SUGCT: variants seen among roughly 807,000 people sequenced by gnomAD.
SUGCT encodes succinyl-CoA:glutarate CoA-transferase.
In SUGCT, 41 loss-of-function variants were observed where a neutral mutation model predicts 55.0. That is an observed-to-expected ratio of 0.74 (90% CI 0.58 to 0.97). SUGCT has a LOEUF of 0.97. Among genes scored for constraint, SUGCT ranks in the 50% least tolerant of loss-of-function variants. The pLI, the probability that SUGCT is intolerant of heterozygous loss-of-function variation, is 0.00. For missense variants in SUGCT, 568 were observed against 547.8 expected, an observed-to-expected ratio of 1.04 and a Z score of -0.37; for synonymous variants, 187 against 200.4, an observed-to-expected ratio of 0.93 and a Z score of 0.56.
chr7:40,665,797 A>G (rs1476510360), intron 12 of SUGCT, among the ~76,000 whole-genome samples: 1 of 152,288 alleles, frequency 6.6e-6, no homozygotes, highest in Admixed American at 6.5e-5. Flanking sequence ...GTGGGAGCAC[A>G]GGATGTGACA....
intron 12 of SUGCT, among the ~76,000 whole-genome samples, chr7:40,651,703 C>T (rs1303869339): frequency 1.3e-5 from 2 of 152,142 alleles, no homozygotes; most frequent in African/African-American, 2.4e-5. Context: ...TCTTCAGAAA[C>T]ATCATTCAGC....
intron 12 of SUGCT, among the ~76,000 whole-genome samples, chr7:40,718,844 C>G (rs1379855825): frequency 6.6e-6 from 1 of 152,152 alleles, no homozygotes. Flanking sequence ...TCTTATATAT[C>G]AGATACTATA....
At chr7:41,012,858 G>A in the SUGCT span, among the ~76,000 whole-genome samples, 132 of 152,062 alleles carry the variant, frequency 8.7e-4, 7 homozygotes, top group Middle Eastern at 3.4e-3. Context: ...CAGAATCTAT[G>A]ATGAAAATTC....
chr7:40,532,526 C>CTGTG (rs3048827), intron 12 of SUGCT, among the ~76,000 whole-genome samples: 9,828 of 134,066 alleles, frequency 0.073, 716 homozygotes, highest in African/African-American at 0.2. Context: ...GCAAGTATGT[C>CTGTG]TGTGTGTGTG....
the SUGCT span, among the ~76,000 whole-genome samples, chr7:41,034,447 G>A: frequency 2.8e-4 from 42 of 152,222 alleles, no homozygotes; most frequent in East Asian, 8.2e-3. Context: ...AAGAAAACAA[G>A]GCTGACCATG....
intron 9 of SUGCT, among the ~76,000 whole-genome samples, chr7:40,381,161 A>C (rs1318840456): frequency 2.0e-5 from 3 of 152,232 alleles, no homozygotes; most frequent in African/African-American, 7.2e-5. Flanking sequence ...TTTAAGACTC[A>C]AGTTGATTCT....
At chr7:40,519,360 G>C (rs191027194) in intron 12 of SUGCT, among the ~76,000 whole-genome samples, 1 of 152,024 alleles carries the variant, frequency 6.6e-6, no homozygotes, top group Non-Finnish European at 1.5e-5. Flanking sequence ...GAGTTTCTTA[G>C]TTTTGGCAAT....
At chr7:40,440,968 AAAG>A (rs974908346) in intron 9 of SUGCT, among the ~76,000 whole-genome samples, 5 of 152,082 alleles carry the variant, frequency 3.3e-5, no homozygotes, top group Admixed American at 6.6e-5. Flanking sequence ...TAAAAAAAAA[AAAG>A]ATCTCACTGG....
Position 40,319,354 on chromosome 7 carries a change from G to A in SUGCT, c.816+2499G>A, listed in dbSNP as rs182944309. 1.9e-3 allele frequency among the ~76,000 whole-genome samples: 293 copies of A among 152,212 alleles called. 2 individuals carry two copies. Among genetic ancestry groups the A allele is most frequent in the African/African-American group, 5.0e-3 (208 of 41,528 alleles). ...GGTCCTAGATATGCTTAGAGACCCC[G>A]GTCTGTTTTCAATTTTAAAAATAGA... On this transcript the variant is annotated intron_variant, in intron 9 of 13. Transcript: ENST00000335693.
chr7:40,447,646 G>A (rs1005189755), intron 9 of SUGCT, among the ~76,000 whole-genome samples: 1 of 152,072 alleles, frequency 6.6e-6, no homozygotes. Flanking sequence ...TTCAGTTGTT[G>A]TTAATGGTAT....
chr7:41,021,623 CCCCAAGAACTAGAGGTCAT>C, the SUGCT span, among the ~76,000 whole-genome samples: 1 of 151,654 alleles, frequency 6.6e-6, no homozygotes, highest in Non-Finnish European at 1.5e-5. Flanking sequence ...TGCCCCCCAC[CCCCAAGAACTAGAGGTCAT>C]GGAATAATCT....
intron 3 of SUGCT, among the ~76,000 whole-genome samples, chr7:40,182,640 G>C (rs1785285308): frequency 6.6e-6 from 1 of 152,114 alleles, no homozygotes; most frequent in South Asian, 2.1e-4. Flanking sequence ...TACAGTGCCG[G>C]GGCAAAGTTC....
intron 6 of SUGCT, among the ~76,000 whole-genome samples, chr7:40,226,129 A>G (rs761414829): frequency 6.6e-6 from 1 of 152,192 alleles, no homozygotes; most frequent in Non-Finnish European, 1.5e-5. Context: ...TGAAATTTAC[A>G]TAAATCTTAT....
intron 13 of SUGCT, among the ~76,000 whole-genome samples, chr7:40,831,880 C>T (rs1205370531): frequency 6.6e-6 from 1 of 152,164 alleles, no homozygotes; most frequent in Non-Finnish European, 1.5e-5. Context: ...CAGGCTCACA[C>T]ACTGGCAGGA....
At chr7:40,905,781 C>A in the SUGCT span, among the ~76,000 whole-genome samples, 2 of 150,726 alleles carry the variant, frequency 1.3e-5, no homozygotes, top group African/African-American at 2.4e-5. Flanking sequence ...TGCAGTGGTG[C>A]GATCATAGTT....
the SUGCT span, among the ~76,000 whole-genome samples, chr7:40,881,932 C>T: frequency 2.6e-5 from 4 of 152,312 alleles, no homozygotes; most frequent in East Asian, 1.9e-4. Flanking sequence ...AAAACCATCA[C>T]GAAGAGGGTC....
At chr7:40,247,926 C>T (rs563100844) in intron 7 of SUGCT, among the ~76,000 whole-genome samples, 2 of 151,304 alleles carry the variant, frequency 1.3e-5, no homozygotes, top group South Asian at 4.2e-4. Flanking sequence ...GTTTTATGTC[C>T]TCTTTAAGAA....
At chr7:40,694,768 G>A (rs1784849850) in intron 12 of SUGCT, among the ~76,000 whole-genome samples, 1 of 152,120 alleles carries the variant, frequency 6.6e-6, no homozygotes, top group African/African-American at 2.4e-5. Context: ...AACAATTCTT[G>A]CCATCAGTAG....
chr7:40,884,966 G>C, the SUGCT span, among the ~76,000 whole-genome samples: 7 of 152,048 alleles, frequency 4.6e-5, no homozygotes, highest in African/African-American at 1.7e-4. Context: ...AGTATGCCTT[G>C]GTCAGCTTGC....
Sources: allele counts gnomAD v4.1 joint callset (sites outside exome capture counted in the v4.1 genomes callset), GRCh38; gene constraint gnomAD v4.1.1; transcripts MANE v1.5; gene names NCBI Gene and HGNC (gene_info 2026-07-23, HGNC 2026-07-21).